The following PKIA variants were observed in gnomAD, a reference collection of about 807,000 sequenced individuals.
The protein encoded by PKIA is cAMP-dependent protein kinase inhibitor alpha.
A neutral mutation model predicts 7.6 loss-of-function variants in PKIA; 4 were observed. The ratio of observed to expected loss-of-function variants is 0.52; its 90% CI spans 0.26 to 1.20. The LOEUF (loss-of-function observed/expected upper bound fraction) is 1.20. PKIA is among the 50% of genes most tolerant of loss of function. The pLI is 0.13. For missense variants in PKIA, 73 were observed against 86.2 expected, an observed-to-expected ratio of 0.85 and a Z score of 0.61; for synonymous variants, 21 against 30.7, an observed-to-expected ratio of 0.68 and a Z score of 1.04.
At chr8:78,554,129 A>G (rs977601853) in intron 1 of PKIA, among the ~76,000 whole-genome samples, 1 of 152,064 alleles carries the variant, frequency 6.6e-6, no homozygotes, top group Non-Finnish European at 1.5e-5. Flanking sequence ...ACAGAAGCAG[A>G]ATCATGGGCC....
At chr8:78,553,047 A>G (rs1349929545) in intron 1 of PKIA, among the ~76,000 whole-genome samples, 1 of 151,412 alleles carries the variant, frequency 6.6e-6, no homozygotes, top group African/African-American at 2.4e-5. Flanking sequence ...TTGAATATAC[A>G]TTTACATATA....
At chr8:78,527,447 T>C (rs1806273244) in intron 1 of PKIA, among the ~76,000 whole-genome samples, 1 of 152,024 alleles carries the variant, frequency 6.6e-6, no homozygotes, top group Non-Finnish European at 1.5e-5. Flanking sequence ...TCCTTGAAAG[T>C]TGGATTTCAT....
intron 2 of PKIA, among the ~76,000 whole-genome samples, chr8:78,574,662 A>G (rs1304802269): frequency 6.6e-6 from 1 of 151,970 alleles, no homozygotes; most frequent in Non-Finnish European, 1.5e-5. Flanking sequence ...ATTTACTCAT[A>G]TTTGATTATT....
At chr8:78,528,966 T>A (rs1303905544) in intron 1 of PKIA, among the ~76,000 whole-genome samples, 1 of 152,066 alleles carries the variant, frequency 6.6e-6, no homozygotes, top group East Asian at 1.9e-4. Flanking sequence ...CATCAACTAA[T>A]GTTGAAATTG....
chr8:78,538,702 G>A (rs1163410241), intron 1 of PKIA, among the ~76,000 whole-genome samples: 1 of 151,996 alleles, frequency 6.6e-6, no homozygotes, highest in East Asian at 1.9e-4. Flanking sequence ...GGTGTAATTA[G>A]TTTAGAAATT....
chr8:78,580,606 A>G (rs576933528), intron 2 of PKIA, among the ~76,000 whole-genome samples: 1 of 152,032 alleles, frequency 6.6e-6, no homozygotes, highest in African/African-American at 2.4e-5. Flanking sequence ...GGACATCTAC[A>G]TGGGGAAGTG....
At chr8:78,532,570 G>A (rs1806415587) in intron 1 of PKIA, among the ~76,000 whole-genome samples, 1 of 150,964 alleles carries the variant, frequency 6.6e-6, no homozygotes, top group Non-Finnish European at 1.5e-5. Context: ...AACATTCACT[G>A]AGCCATATTT....
chr8:78,588,859 C>G (rs1280303851), intron 2 of PKIA, among the ~76,000 whole-genome samples: 3 of 151,472 alleles, frequency 2.0e-5, no homozygotes, highest in Non-Finnish European at 4.4e-5. Flanking sequence ...GTTGATTGTT[C>G]CATTGCACCC....
At chr8:78,529,670 A>G (rs1806346811) in intron 1 of PKIA, among the ~76,000 whole-genome samples, 1 of 152,082 alleles carries the variant, frequency 6.6e-6, no homozygotes, top group Non-Finnish European at 1.5e-5. Context: ...GCTAAACTTT[A>G]TTCATTTACA....
intron 1 of PKIA, among the ~76,000 whole-genome samples, chr8:78,565,480 C>T (rs756150213): frequency 1.5e-4 from 23 of 151,950 alleles, no homozygotes; most frequent in Admixed American, 4.6e-4. Context: ...AATTTGGACT[C>T]AACTTCTGGA....
Position 78,572,909 on chromosome 8 carries a change from A to C in PKIA, c.-58A>C, listed in dbSNP as rs1023522464. The C allele has an allele frequency of 3.9e-5, 6 of 152,100 alleles. No homozygotes were observed. The highest frequency in any genetic ancestry group is 1.4e-4 in the African/African-American group (6 of 41,444). 9.4% of individuals were successfully genotyped at this position (152,100 alleles called of 1,614,324 possible). A position where few individuals can be genotyped will look rare whatever the true frequency, so the allele number is the denominator to read the frequency against. On this transcript the variant is annotated 5_prime_UTR_variant, in exon 2 of 4. The change abolishes an upstream ATG in the 5' untranslated region. Transcript: ENST00000396418. ...AGAAAAAAGAGATCTAGTATAGTCA[A>C]TGAATTAAAGACAAGAAGGTTTCCA...
At chr8:78,548,888 C>T (rs2118457503) in intron 1 of PKIA, among the ~76,000 whole-genome samples, 1 of 152,108 alleles carries the variant, frequency 6.6e-6, no homozygotes, top group African/African-American at 2.4e-5. Context: ...CTATCATACT[C>T]AATTCATTGA....
chr8:78,598,202 A>C (rs1457328355), intron 2 of PKIA, among the ~76,000 whole-genome samples, 156 bp from the exon 3 acceptor site: 1 of 151,326 alleles, frequency 6.6e-6, no homozygotes, highest in African/African-American at 2.4e-5. Context: ...AGGTTCCCAG[A>C]CCTTTGATCT....
chr8:78,576,740 A>G (rs928143871), intron 2 of PKIA, among the ~76,000 whole-genome samples: 1 of 152,014 alleles, frequency 6.6e-6, no homozygotes, highest in African/African-American at 2.4e-5. Flanking sequence ...TGTCTTTGAC[A>G]GTGGCATAGT....
chr8:78,581,806 T>G (rs1807815214), intron 2 of PKIA, among the ~76,000 whole-genome samples: 1 of 152,092 alleles, frequency 6.6e-6, no homozygotes, highest in African/African-American at 2.4e-5. Flanking sequence ...TGACAAAACT[T>G]GAAGAAGTCT....
intron 2 of PKIA, among the ~76,000 whole-genome samples, chr8:78,574,201 A>C (rs1807621934): frequency 6.6e-6 from 1 of 152,064 alleles, no homozygotes; most frequent in Non-Finnish European, 1.5e-5. Flanking sequence ...TATACATTGT[A>C]TAATGATCAA....
chr8:78,585,851 C>T (rs966786184), intron 2 of PKIA, among the ~76,000 whole-genome samples: 2 of 152,050 alleles, frequency 1.3e-5, no homozygotes, highest in African/African-American at 2.4e-5. Context: ...AAGAAAAGAT[C>T]GCCGAGTTTA....
chr8:78,557,842 G>T lies in PKIA; in HGVS notation c.-156-14969G>T, dbSNP rs10111756. 4.7e-3 allele frequency among the ~76,000 whole-genome samples: 621 copies of T among 132,770 alleles called. 4 individuals carry two copies. Among genetic ancestry groups the T allele is most frequent in the African/African-American group, 0.017 (590 of 34,524 alleles). 87.1% of individuals were successfully genotyped at this position (132,770 alleles called of 152,430 possible). A position where few individuals can be genotyped will look rare whatever the true frequency, so the allele number is the denominator to read the frequency against. Reference sequence around the variant, plus strand: ...TTTTGACAGTAGTACAATGTTGCTTGTCCTTCTCCGGGATGGTAGTCTGTG... The same window carrying T: ...TTTTGACAGTAGTACAATGTTGCTTTTCCTTCTCCGGGATGGTAGTCTGTG... On this transcript the variant is annotated intron_variant, in intron 1 of 3. Transcript: ENST00000396418.
chr8:78,534,552 A>G (rs913355580), intron 1 of PKIA: 1 of 152,130 alleles, frequency 6.6e-6, no homozygotes, highest in African/African-American at 2.4e-5. Context: ...ACATTCAAGA[A>G]ATACATACAT....
Sources: allele counts gnomAD v4.1 joint callset (sites outside exome capture counted in the v4.1 genomes callset), GRCh38; gene constraint gnomAD v4.1.1; transcripts MANE v1.5; gene names NCBI Gene and HGNC (gene_info 2026-07-23, HGNC 2026-07-21).